The following C8orf34 variants were observed in gnomAD, a reference collection of about 807,000 sequenced individuals.
C8orf34 encodes the protein chromosome 8 open reading frame 34.
C8orf34 carries 65 observed loss-of-function variants against 68.3 expected under a neutral mutation model. That is an observed-to-expected ratio of 0.95 (90% confidence interval 0.78 to 1.17). C8orf34 has a LOEUF of 1.17. Among genes scored for constraint, C8orf34 ranks in the 50% most tolerant of loss-of-function variants. The pLI is 0.00. For synonymous variants in C8orf34, 244 were observed against 241.2 expected (o/e 1.01, Z -0.11); for missense variants, 664 against 655.4 (o/e 1.01, Z -0.14).
At chr8:68,421,336 A>C (rs1386059871) in intron 1 of C8orf34, among the ~76,000 whole-genome samples, 1 of 152,214 alleles carries the variant, frequency 6.6e-6, no homozygotes, top group Non-Finnish European at 1.5e-5. Flanking sequence ...TATCTCTTAT[A>C]CCTCAGATTG....
chr8:68,543,995 T>C (rs1384917463), intron 7 of C8orf34, among the ~76,000 whole-genome samples: 2 of 152,072 alleles, frequency 1.3e-5, no homozygotes, highest in East Asian at 3.9e-4. Context: ...GCCAACTTGT[T>C]TGAAAGTGGA....
At chr8:68,616,492 T>G (rs1394339194) in intron 7 of C8orf34, among the ~76,000 whole-genome samples, 1 of 152,214 alleles carries the variant, frequency 6.6e-6, no homozygotes, top group South Asian at 2.1e-4. Flanking sequence ...ATGTTGTGTC[T>G]TTGTCCTCAT....
At chr8:68,792,989 A>G (rs1250663700) in intron 12 of C8orf34, among the ~76,000 whole-genome samples, 1 of 152,148 alleles carries the variant, frequency 6.6e-6, no homozygotes, top group African/African-American at 2.4e-5. Flanking sequence ...ACATACACAA[A>G]CATACATATA....
rs1217278644 is a variant in C8orf34, at chr8:68,749,245, G to C, written c.1405-27154G>C. 1.3e-5 allele frequency among the ~76,000 whole-genome samples: 2 copies of C among 152,056 alleles called. 1 individual carries two copies. Among genetic ancestry groups the C allele is most frequent in the Non-Finnish European group, 2.9e-5 (2 of 68,002 alleles). ...CACTCTGGGGACTGTTGTGGGGTGG[G>C]GGGAGCGGGGAGGGATTGCATTGGG... is the stretch of plus-strand genomic sequence containing the variant. On this transcript the variant is annotated intron_variant, in intron 10 of 13. Coordinates refer to ENST00000518698, the MANE Select transcript of C8orf34 (RefSeq NM_052958.4).
chr8:68,404,567 G>T (rs973340059), intron 1 of C8orf34, among the ~76,000 whole-genome samples: 6 of 151,998 alleles, frequency 3.9e-5, no homozygotes, highest in African/African-American at 1.2e-4. Flanking sequence ...TGTAAGGAAG[G>T]GGCTCAGTTT....
At chr8:68,575,956 G>GTTTTT (rs59081528) in intron 7 of C8orf34, among the ~76,000 whole-genome samples, 34 of 96,328 alleles carry the variant, frequency 3.5e-4, no homozygotes, top group South Asian at 8.4e-4. Flanking sequence ...GTAGATGGTT[G>GTTTTT]TTTTTTTTTT....
intron 7 of C8orf34, among the ~76,000 whole-genome samples, chr8:68,582,166 A>G (rs537449822): frequency 3.8e-4 from 58 of 152,138 alleles, no homozygotes; most frequent in Non-Finnish European, 6.8e-4. Context: ...CAAAGACCCA[A>G]GGGAAAACTT....
chr8:68,341,245 G>A (rs1427073275), intron 1 of C8orf34, among the ~76,000 whole-genome samples: 1 of 152,140 alleles, frequency 6.6e-6, no homozygotes, highest in Admixed American at 6.5e-5. Flanking sequence ...ACTCTTCTAA[G>A]GATGCCAATC....
intron 1 of C8orf34, among the ~76,000 whole-genome samples, chr8:68,424,527 G>A (rs547697251): frequency 6.6e-6 from 1 of 152,118 alleles, no homozygotes; most frequent in African/African-American, 2.4e-5. Context: ...TATCAGGCAA[G>A]GATTTTAAAG....
At chr8:68,640,847 T>A (rs1818985454) in intron 8 of C8orf34, among the ~76,000 whole-genome samples, 1 of 152,224 alleles carries the variant, frequency 6.6e-6, no homozygotes, top group Admixed American at 6.5e-5. Context: ...TTAAAGCACC[T>A]GCATAGAGGA....
intron 7 of C8orf34, among the ~76,000 whole-genome samples, chr8:68,590,681 C>G (rs1563548159): frequency 6.6e-6 from 1 of 152,194 alleles, no homozygotes; most frequent in Non-Finnish European, 1.5e-5. Context: ...AGATTTGAGT[C>G]TGAGTCTATC....
At chr8:68,623,377 C>T (rs1818443726) in intron 7 of C8orf34, among the ~76,000 whole-genome samples, 1 of 152,048 alleles carries the variant, frequency 6.6e-6, no homozygotes. Flanking sequence ...GGGGGGCTGG[C>T]CTCTACCAAC....
intron 7 of C8orf34, among the ~76,000 whole-genome samples, chr8:68,556,222 C>T (rs1461704026): frequency 6.7e-6 from 1 of 149,238 alleles, no homozygotes; most frequent in Non-Finnish European, 1.5e-5. Flanking sequence ...ATATTTATCT[C>T]AATCTCTATC....
intron 10 of C8orf34, among the ~76,000 whole-genome samples, chr8:68,766,172 G>A (rs1401725322): frequency 1.3e-5 from 2 of 152,194 alleles, no homozygotes; most frequent in Non-Finnish European, 2.9e-5. Context: ...GGAAATATGA[G>A]CCAAAAACAT....
chr8:68,345,530 G>A (rs1384484101), intron 1 of C8orf34, among the ~76,000 whole-genome samples: 1 of 151,934 alleles, frequency 6.6e-6, no homozygotes, highest in Non-Finnish European at 1.5e-5. Flanking sequence ...AGGCCTGACA[G>A]TTAACTATAT....
At chr8:68,489,773 G>A (rs1214644993) in intron 5 of C8orf34, among the ~76,000 whole-genome samples, 1 of 152,018 alleles carries the variant, frequency 6.6e-6, no homozygotes, top group East Asian at 1.9e-4. Flanking sequence ...AAGCTACTCT[G>A]TAATAATTGT....
chr8:68,622,734 G>C (rs1311506486), intron 7 of C8orf34, among the ~76,000 whole-genome samples: 1 of 152,138 alleles, frequency 6.6e-6, no homozygotes, highest in Non-Finnish European at 1.5e-5. Flanking sequence ...CTGAAGTTAG[G>C]AAAGTTGAGA....
At chr8:68,337,607 C>G (rs1280807125) in intron 1 of C8orf34, among the ~76,000 whole-genome samples, 1 of 152,074 alleles carries the variant, frequency 6.6e-6, no homozygotes, top group Admixed American at 6.5e-5. Flanking sequence ...TGTTCCTATA[C>G]TTTTTCTATA....
At chr8:68,536,358 C>CAAAAAAAAAAAAAAAA (rs10696903) in intron 7 of C8orf34, among the ~76,000 whole-genome samples, 57 of 49,148 alleles carry the variant, frequency 1.2e-3, no homozygotes, top group Admixed American at 1.5e-3. Flanking sequence ...GACCCTATCT[C>CAAAAAAAAAAAAAAAA]AAAAAAAAAA....
Sources: allele counts gnomAD v4.1 joint callset (sites outside exome capture counted in the v4.1 genomes callset), GRCh38; gene constraint gnomAD v4.1.1; transcripts MANE v1.5; gene names NCBI Gene and HGNC (gene_info 2026-07-23, HGNC 2026-07-21).